The following MTHFD2L variants were observed in gnomAD, a reference collection of about 807,000 sequenced individuals.
MTHFD2L encodes bifunctional methylenetetrahydrofolate dehydrogenase/cyclohydrolase 2, mitochondrial.
A neutral mutation model predicts 34.9 loss-of-function variants in MTHFD2L; 29 were observed. The ratio of observed to expected loss-of-function variants is 0.83; its 90% CI spans 0.62 to 1.13. The LOEUF (loss-of-function observed/expected upper bound fraction) is 1.13. Among genes scored for constraint, MTHFD2L ranks in the 50% most tolerant of loss-of-function variants. The probability of loss-of-function intolerance (pLI) is 0.00; values close to 1 mark genes in which losing one functional copy is unlikely to be tolerated. For synonymous variants in MTHFD2L, 167 were observed against 155.7 expected (o/e 1.07, Z -0.54); for missense variants, 481 against 446.5 (o/e 1.08, Z -0.70).
intron 7 of MTHFD2L, among the ~76,000 whole-genome samples, chr4:74,294,625 A>AT (rs1181485681): frequency 6.6e-6 from 1 of 151,976 alleles, no homozygotes; most frequent in African/African-American, 2.4e-5. Context: ...CCACCCTTGG[A>AT]TTTTTTTGGA....
At chr4:74,266,971 T>C in intron 6 of MTHFD2L, 1 of 985,448 alleles carries the variant, frequency 1.0e-6, no homozygotes, top group Non-Finnish European at 1.2e-6. Context: ...ATTGGACTAA[T>C]TGGTTTTTCA....
chr4:74,121,815 T>C (rs1298516020), upstream of MTHFD2L, among the ~76,000 whole-genome samples: 1 of 151,786 alleles, frequency 6.6e-6, no homozygotes, highest in Middle Eastern at 3.4e-3. Context: ...AAGCATCCCC[T>C]TATCCCAATC....
chr4:74,168,121 A>G (rs1049556580), intron 1 of MTHFD2L, among the ~76,000 whole-genome samples: 1 of 152,092 alleles, frequency 6.6e-6, no homozygotes, highest in African/African-American at 2.4e-5. Flanking sequence ...TTCACCAGTT[A>G]TTTTAAAAGT....
At chr4:74,244,750 A>T (rs1742177574) in intron 6 of MTHFD2L, among the ~76,000 whole-genome samples, 1 of 152,316 alleles carries the variant, frequency 6.6e-6, no homozygotes, top group East Asian at 1.9e-4. Context: ...CAAATTCTAC[A>T]TTGCAATTAA....
chr4:74,195,461 A>G (rs1292485394), intron 3 of MTHFD2L: 2 of 152,278 alleles, frequency 1.3e-5, no homozygotes, highest in South Asian at 2.1e-4. Flanking sequence ...ACATGGTGAG[A>G]CTGATAAAGT....
intron 6 of MTHFD2L, among the ~76,000 whole-genome samples, chr4:74,266,533 A>G (rs926382246): frequency 6.6e-6 from 1 of 152,144 alleles, no homozygotes; most frequent in Admixed American, 6.6e-5. Flanking sequence ...CAAAACCAAA[A>G]CTAGGGATTT....
intron 6 of MTHFD2L, among the ~76,000 whole-genome samples, chr4:74,257,178 C>G (rs942313644): frequency 2.0e-5 from 3 of 152,062 alleles, no homozygotes; most frequent in Non-Finnish European, 4.4e-5. Context: ...TCTTTCACCT[C>G]TTGTTTATAT....
upstream of MTHFD2L, among the ~76,000 whole-genome samples, chr4:74,124,743 A>G (rs1721954305): frequency 6.6e-6 from 1 of 152,102 alleles, no homozygotes. Context: ...AAGTATTAGT[A>G]CAGTACCACA....
intron 6 of MTHFD2L, among the ~76,000 whole-genome samples, chr4:74,267,494 G>A (rs1291564416): frequency 4.0e-5 from 6 of 151,372 alleles, no homozygotes; most frequent in Non-Finnish European, 5.9e-5. Flanking sequence ...TCAATCCACC[G>A]CCCACCCCTG....
At chr4:74,239,005 A>G (rs1181436829) in intron 6 of MTHFD2L, among the ~76,000 whole-genome samples, 1 of 152,224 alleles carries the variant, frequency 6.6e-6, no homozygotes, top group Non-Finnish European at 1.5e-5. Flanking sequence ...AAAGGCTTAT[A>G]AATCATGCTA....
chr4:74,177,153 CTT>C (rs1433889228), intron 3 of MTHFD2L, among the ~76,000 whole-genome samples: 1 of 151,712 alleles, frequency 6.6e-6, no homozygotes, highest in African/African-American at 2.4e-5. Context: ...TATCACTTAC[CTT>C]TAAAACTAGA....
intron 6 of MTHFD2L, among the ~76,000 whole-genome samples, chr4:74,248,123 GTTGGTAAGCTATTGA>G (rs1418533892): frequency 6.6e-6 from 1 of 151,338 alleles, no homozygotes; most frequent in Non-Finnish European, 1.5e-5. Context: ...ACTCTTTTTG[GTTGGTAAGCTATTGA>G]TTATTGCCAC....
intron 6 of MTHFD2L, among the ~76,000 whole-genome samples, chr4:74,254,587 CAAA>C (rs11379406): frequency 7.0e-6 from 1 of 142,868 alleles, no homozygotes; most frequent in Non-Finnish European, 1.5e-5. Context: ...CCCCCACCTC[CAAA>C]AAAAAAAAAA....
chr4:74,220,117 G>T (rs769803798), intron 5 of MTHFD2L, among the ~76,000 whole-genome samples: 1 of 151,686 alleles, frequency 6.6e-6, no homozygotes, highest in Non-Finnish European at 1.5e-5. Flanking sequence ...AGGGATTTGG[G>T]AGGCTCTCAT....
intron 3 of MTHFD2L, among the ~76,000 whole-genome samples, chr4:74,191,898 G>A (rs1050645186): frequency 1.3e-5 from 2 of 152,082 alleles, no homozygotes; most frequent in African/African-American, 4.8e-5. Flanking sequence ...GATATGGAAG[G>A]ATCAGACATA....
At chr4:74,167,932 A>G (rs1050114962) in intron 1 of MTHFD2L, among the ~76,000 whole-genome samples, 2 of 152,092 alleles carry the variant, frequency 1.3e-5, no homozygotes, top group African/African-American at 4.8e-5. Flanking sequence ...TCCTACACCC[A>G]ATCTCAGTAA....
At chr4:74,276,059 T>C (rs1746607625) in intron 6 of MTHFD2L, among the ~76,000 whole-genome samples, 2 of 152,072 alleles carry the variant, frequency 1.3e-5, no homozygotes, top group Non-Finnish European at 2.9e-5. Context: ...AGCAAGTCTT[T>C]TAACATGCCT....
intron 6 of MTHFD2L, chr4:74,242,011 G>A (rs1021165388): frequency 6.6e-6 from 1 of 152,556 alleles, no homozygotes; most frequent in Non-Finnish European, 1.5e-5. Context: ...GCAACATGAG[G>A]GACCCTTTTG....
At chr4:74,260,945 A>T (rs1460774834) in intron 6 of MTHFD2L, among the ~76,000 whole-genome samples, 1 of 151,804 alleles carries the variant, frequency 6.6e-6, no homozygotes, top group Non-Finnish European at 1.5e-5. Flanking sequence ...TAAAAATCTC[A>T]TTTTAAGCTA....
Sources: gnomAD v4.1 joint callset for allele counts (sites outside exome capture counted in the v4.1 genomes callset) on GRCh38, gnomAD v4.1.1 for gene constraint, MANE v1.5 for transcripts, NCBI Gene and HGNC (gene_info 2026-07-23, HGNC 2026-07-21) for gene names.